OTUB2: variants seen among roughly 807,000 people sequenced by gnomAD.
The protein encoded by OTUB2 is OTU deubiquitinase, ubiquitin aldehyde binding 2, also known as ubiquitin thioesterase OTUB2.
OTUB2 carries 21 observed loss-of-function variants against 25.1 expected under a neutral mutation model. That is an observed-to-expected ratio of 0.84 (90% confidence interval 0.59 to 1.21). The LOEUF (loss-of-function observed/expected upper bound fraction) is 1.21. Ranked by LOEUF, OTUB2 falls within the 50% of genes most tolerant of loss-of-function variation. The pLI is 0.00. For synonymous variants in OTUB2, 122 were observed against 122.8 expected, an observed-to-expected ratio of 0.99 and a Z score of 0.04; for missense variants, 283 against 298.0, an observed-to-expected ratio of 0.95 and a Z score of 0.37.
chr14:94,032,707 A>G (rs565167316), intron 1 of OTUB2, among the ~76,000 whole-genome samples: 155 of 152,360 alleles, frequency 1.0e-3, no homozygotes, highest in African/African-American at 3.5e-3. Flanking sequence ...ATGTTTTACC[A>G]TAATTATAAT....
intron 3 of OTUB2, among the ~76,000 whole-genome samples, chr14:94,040,090 A>T (rs983799287): frequency 2.6e-5 from 4 of 152,106 alleles, no homozygotes; most frequent in Non-Finnish European, 5.9e-5. Flanking sequence ...CTGCCTGCAG[A>T]CACTGCCAAA....
In OTUB2 at chr14:94,044,772, T is replaced by G; in HGVS notation, c.490T>G (p.Cys164Gly). The G allele has an allele frequency of 6.2e-7, 1 of 1,612,038 alleles. No individual in the cohort carries two copies. The highest frequency in any genetic ancestry group is 8.5e-7 in the Non-Finnish European group (1 of 1,179,612). Residue 164 changes from cysteine (C) to glycine (G), a missense_variant, in exon 5 of 6, where the codon TGC (cysteine) becomes GGC (glycine). By Grantham distance (159) the Cys-to-Gly change is radical. Coordinates refer to ENST00000203664, the MANE Select transcript of OTUB2 (RefSeq NM_023112.4). ...IDEEMDIKDF[C>G]THEVEPMATE... is the part of the protein sequence containing the mutation. ...TGAGGAGATGGACATCAAAGACTTC[T>G]GCACTCACGTAGGTGCTTGGGGTCT...
chr14:94,037,560 A>G, intron 2 of OTUB2, 85 bp downstream of exon 2: 1 of 872,588 alleles, frequency 1.1e-6, no homozygotes, highest in Non-Finnish European at 1.7e-6. Context: ...TTGAAGGCCG[A>G]TAGTTTGGGC....
At chr14:94,038,008 C>G (rs988226545) in intron 2 of OTUB2, among the ~76,000 whole-genome samples, 6 of 152,386 alleles carry the variant, frequency 3.9e-5, no homozygotes, top group African/African-American at 1.4e-4. Context: ...CACTCTGTCC[C>G]TCTGGTAGGA....
rs914651416 is a variant in OTUB2 at position 94,048,614 on chromosome 14, CT to C, written c.*2693del. On this transcript the variant is annotated 3_prime_UTR_variant, in exon 6 of 6. Transcript: ENST00000203664. Reference sequence around the variant, plus strand: ...GAAAATAGCTATTATACCTGACACACTCATCGTATGGGCTCTGCAAAGGGAT... The same window carrying C: ...GAAAATAGCTATTATACCTGACACACCATCGTATGGGCTCTGCAAAGGGAT... 2 of 152,248 alleles carry C rather than the reference CT, an allele frequency of 1.3e-5. No individual in the cohort carries two copies. Among genetic ancestry groups the C allele is most frequent in the African/African-American group, 2.4e-5 (1 of 41,460 alleles). The allele number at this position is 152,248 out of a possible 1,614,324, so 9.4% of individuals were successfully genotyped here. A position where few individuals can be genotyped will look rare whatever the true frequency, so the allele number is the denominator to read the frequency against.
intron 1 of OTUB2, among the ~76,000 whole-genome samples, chr14:94,036,551 C>T (rs1196664277): frequency 6.6e-6 from 1 of 152,064 alleles, no homozygotes; most frequent in Non-Finnish European, 1.5e-5. Flanking sequence ...GAGACCAGGC[C>T]CACGGGGAGT....
At chr14:94,038,549 A>T (rs1384977407) in intron 2 of OTUB2, among the ~76,000 whole-genome samples, 2 of 101,876 alleles carry the variant, frequency 2.0e-5, no homozygotes, top group Non-Finnish European at 4.1e-5. Flanking sequence ...GCTGGAGCCC[A>T]CCCCTCCCGC....
At chr14:94,028,188 C>T (rs569406026) in intron 1 of OTUB2, among the ~76,000 whole-genome samples, 1 of 152,312 alleles carries the variant, frequency 6.6e-6, no homozygotes, top group East Asian at 1.9e-4. Context: ...GTGGTTAACC[C>T]ACTAAAATAT....
chr14:94,026,746 G>C (rs1884870027), intron 1 of OTUB2, among the ~76,000 whole-genome samples: 1 of 152,170 alleles, frequency 6.6e-6, no homozygotes, highest in Non-Finnish European at 1.5e-5. Context: ...CCGTGGATGT[G>C]CAGCTGAGGA....
chr14:94,041,789 T>G (rs1885166090), intron 3 of OTUB2, among the ~76,000 whole-genome samples: 1 of 152,252 alleles, frequency 6.6e-6, no homozygotes, highest in Non-Finnish European at 1.5e-5. Context: ...TAGGTAGCCC[T>G]GCTTCTGACC....
intron 1 of OTUB2, among the ~76,000 whole-genome samples, chr14:94,033,157 G>C (rs575674517): frequency 7.2e-4 from 110 of 152,142 alleles, no homozygotes; most frequent in African/African-American, 2.6e-3. Flanking sequence ...TGATCCGCCC[G>C]CCTCAGCCTC....
intron 1 of OTUB2, among the ~76,000 whole-genome samples, chr14:94,031,455 A>T (rs1884959579): frequency 6.6e-6 from 1 of 152,080 alleles, no homozygotes. Flanking sequence ...AAACCAGAAG[A>T]CAGTGGGGAC....
intron 3 of OTUB2, among the ~76,000 whole-genome samples, chr14:94,043,029 CA>C (rs1885193448): frequency 6.6e-6 from 1 of 152,222 alleles, no homozygotes; most frequent in South Asian, 2.1e-4. Flanking sequence ...CAGGACCAGG[CA>C]GGGGCAAGCG....
At chr14:94,037,584 A>G (rs1885081544) in intron 2 of OTUB2, 109 bp downstream of exon 2, 1 of 587,472 alleles carries the variant, frequency 1.7e-6, no homozygotes, top group Non-Finnish European at 2.9e-6. Context: ...GTTCCTGGGC[A>G]AATGAAAGGA....
chr14:94,040,751 G>A (rs546498988), intron 3 of OTUB2, among the ~76,000 whole-genome samples: 4 of 152,352 alleles, frequency 2.6e-5, no homozygotes, highest in East Asian at 1.9e-4. Flanking sequence ...TGGGGCTTGC[G>A]TCCTAATGGT....
intron 4 of OTUB2, 27 bp from the exon 5 acceptor site, chr14:94,044,559 C>CA (rs779403387): frequency 6.3e-7 from 1 of 1,591,092 alleles, no homozygotes; most frequent in South Asian, 1.1e-5. Context: ...TGCTTGGCCT[C>CA]CCTAGCTGAG....
chr14:94,027,130 TC>T (rs1289562650), intron 1 of OTUB2, among the ~76,000 whole-genome samples: 1 of 152,120 alleles, frequency 6.6e-6, no homozygotes, highest in Non-Finnish European at 1.5e-5. Context: ...AAGAAAATAC[TC>T]AGGAATCCCT....
In OTUB2 at chr14:94,043,951, TCA is replaced by T. The variant is rs1885211006; in HGVS notation, c.219-19_219-18del. On this transcript the variant is annotated intron_variant, in intron 3 of 5. Transcript: ENST00000203664. ...TCTCGCTGTGTTTCCCTGTAAACAC[TCA>T]GTCTTCCCCCTCTGTAGGTTCAAAG... 1 of 1,609,870 alleles carries T rather than the reference TCA, an allele frequency of 6.2e-7. No homozygotes were observed. The highest frequency in any genetic ancestry group is 8.5e-7 in the Non-Finnish European group (1 of 1,176,082).
In OTUB2 at chr14:94,035,286, C is replaced by CTTT. The variant is rs761154708; in HGVS notation, c.4-2075_4-2073dup. On this transcript the variant is annotated intron_variant, in intron 1 of 5. Coordinates refer to ENST00000203664, the MANE Select transcript of OTUB2 (RefSeq NM_023112.4). ...CATCCAGTTCTTTTTTTTTTCTTTT[C>CTTT]TTTTTTTTTTTTTTTTTTTTTGAGA... 2.0e-3 allele frequency among the ~76,000 whole-genome samples: 203 copies of CTTT among 104,010 alleles called. 1 individual carries two copies. The highest frequency in any genetic ancestry group is 6.4e-3 in the Middle Eastern group (1 of 156). The allele number at this position is 104,010 out of a possible 152,430, so 68.2% of individuals were successfully genotyped here.
Sources: gnomAD v4.1 joint callset for allele counts (sites outside exome capture counted in the v4.1 genomes callset) on GRCh38, gnomAD v4.1.1 for gene constraint, MANE v1.5 for transcripts, NCBI Gene and HGNC (gene_info 2026-07-23, HGNC 2026-07-21) for gene names.